The following PALLD variants were observed in gnomAD, a reference collection of about 807,000 sequenced individuals.
PALLD encodes palladin, cytoskeletal associated protein, also known as palladin.
PALLD carries 61 observed loss-of-function variants against 123.5 expected under a neutral mutation model. That is an observed-to-expected ratio of 0.49 (90% CI 0.40 to 0.61). The LOEUF is 0.61. Ranked by LOEUF, PALLD falls within the 20% of genes least tolerant of loss-of-function variation. The pLI, the probability that PALLD is intolerant of heterozygous loss-of-function variation, is 0.00. For missense variants in PALLD, 1,273 were observed against 1,377.0 expected (o/e 0.92, Z 1.20); for synonymous variants, 465 against 496.4 (o/e 0.94, Z 0.84).
chr4:168,617,093 G>A (rs1774300440), intron 2 of PALLD, among the ~76,000 whole-genome samples: 1 of 152,148 alleles, frequency 6.6e-6, no homozygotes, highest in Admixed American at 6.5e-5. Context: ...TGGCACTCAA[G>A]CATCCATTTT....
intron 2 of PALLD, among the ~76,000 whole-genome samples, chr4:168,540,806 GA>G (rs137855493): frequency 0.18 from 25,226 of 143,254 alleles, 2,441 homozygotes; most frequent in South Asian, 0.31. Context: ...CAGGTGGGAA[GA>G]AAAAAAAAAA....
intron 2 of PALLD, among the ~76,000 whole-genome samples, chr4:168,538,167 A>G (rs1448173142): frequency 1.3e-5 from 2 of 152,256 alleles, no homozygotes; most frequent in Non-Finnish European, 2.9e-5. Context: ...GATTTTAAAA[A>G]TAAGTAGAAG....
intron 2 of PALLD, among the ~76,000 whole-genome samples, chr4:168,540,823 A>G (rs926939093): frequency 6.6e-6 from 1 of 151,254 alleles, no homozygotes; most frequent in Non-Finnish European, 1.5e-5. Context: ...AAAAAAAAGC[A>G]CTTGCTCCTG....
At chr4:168,568,172 A>G (rs1426499838) in intron 2 of PALLD, among the ~76,000 whole-genome samples, 2 of 150,044 alleles carry the variant, frequency 1.3e-5, no homozygotes, top group African/African-American at 4.8e-5. Context: ...GTAACCAATA[A>G]ATATATAGCA....
chr4:168,887,654 C>T (rs1753555291), intron 10 of PALLD, among the ~76,000 whole-genome samples: 1 of 152,232 alleles, frequency 6.6e-6, no homozygotes, highest in Non-Finnish European at 1.5e-5. Context: ...CTTCAGTTTA[C>T]CTTTAAGATG....
intron 2 of PALLD, among the ~76,000 whole-genome samples, chr4:168,626,734 T>C (rs956025452): frequency 1.4e-5 from 2 of 138,166 alleles, no homozygotes; most frequent in Non-Finnish European, 3.2e-5. Flanking sequence ...AAAAAAAAAG[T>C]AAATGTGGTA....
chr4:168,710,029 G>GA (rs1784683974), intron 9 of PALLD, among the ~76,000 whole-genome samples: 1 of 152,048 alleles, frequency 6.6e-6, no homozygotes, highest in African/African-American at 2.4e-5. Context: ...ATCCACTGTT[G>GA]AAACTTCTGA....
Position 168,844,157 on chromosome 4 carries a change from TTTTG to T in PALLD, c.1965-46757_1965-46754del, listed in dbSNP as rs1277608410. On this transcript the variant is annotated intron_variant, in intron 10 of 21. Coordinates refer to ENST00000505667, the MANE Select transcript of PALLD (RefSeq NM_001166108.2). The surrounding 1 kb of genome is among the most constrained non-coding windows in gnomAD (Gnocchi z 4.5). Reference sequence around the variant, plus strand: ...AATCAAAGAGCTTTGACAGTTTGTTTTTTGTTTGTTTTTATTTGGGTGCAATTTT... The same window carrying T: ...AATCAAAGAGCTTTGACAGTTTGTTTTTTGTTTTTATTTGGGTGCAATTTT... The T allele has an allele frequency of 3.3e-5, 5 of 152,158 alleles. No homozygotes were observed. The highest frequency in any genetic ancestry group is 1.2e-4 in the African/African-American group (5 of 41,436). 9.4% of individuals were successfully genotyped at this position (152,158 alleles called of 1,614,324 possible). A position where few individuals can be genotyped will look rare whatever the true frequency, so the allele number is the denominator to read the frequency against.
chr4:168,535,302 A>C (rs1343307029), intron 2 of PALLD, among the ~76,000 whole-genome samples: 1 of 152,216 alleles, frequency 6.6e-6, no homozygotes, highest in African/African-American at 2.4e-5. Context: ...TTTTCACAAG[A>C]ATTAAGTGGC....
chr4:168,558,340 C>T (rs569747918), intron 2 of PALLD, among the ~76,000 whole-genome samples: 2 of 152,310 alleles, frequency 1.3e-5, no homozygotes, highest in Admixed American at 1.3e-4. Context: ...GACCCCAGTC[C>T]ATGGTACACT....
chr4:168,845,134 G>C (rs1040263857), intron 10 of PALLD, among the ~76,000 whole-genome samples: 5 of 152,190 alleles, frequency 3.3e-5, no homozygotes, highest in East Asian at 3.8e-4. Context: ...AGCAGAGGAG[G>C]TGAGGGAGGC....
rs928610026 is a variant in PALLD, at chr4:168,866,182, T to C, written c.1965-24740T>C. Among the ~76,000 whole-genome samples, 5 of 152,102 alleles carry C rather than the reference T, an allele frequency of 3.3e-5. No individual in the cohort carries two copies. The South Asian group carries it at 1.0e-3, about 32-fold the overall frequency. ...CATGAGGCTGAGGCAGAAGGATCAG[T>C]TGAGCCCAGGAGTTTGAGGCTGCAG... On this transcript the variant is annotated intron_variant, in intron 10 of 21. Coordinates refer to ENST00000505667, the MANE Select transcript of PALLD (RefSeq NM_001166108.2).
chr4:168,859,106 T>C (rs1420133398), intron 10 of PALLD, among the ~76,000 whole-genome samples: 1 of 152,238 alleles, frequency 6.6e-6, no homozygotes, highest in African/African-American at 2.4e-5. Context: ...TGTCAACGTG[T>C]TACAACATTT....
chr4:168,708,719 C>A (rs181344565), intron 8 of PALLD, among the ~76,000 whole-genome samples: 1 of 152,234 alleles, frequency 6.6e-6, no homozygotes, highest in East Asian at 1.9e-4. Context: ...CAGAGCTGCA[C>A]ACTTGCAGAC....
At chr4:168,521,777 T>TCAA (rs1763591488) in intron 2 of PALLD, among the ~76,000 whole-genome samples, 1 of 152,244 alleles carries the variant, frequency 6.6e-6, no homozygotes, top group Non-Finnish European at 1.5e-5. Flanking sequence ...TTTGACTATT[T>TCAA]GTTGAGTCCT....
At chr4:168,518,533 G>C (rs903888101) in intron 2 of PALLD, among the ~76,000 whole-genome samples, 4 of 152,138 alleles carry the variant, frequency 2.6e-5, no homozygotes, top group Non-Finnish European at 4.4e-5. Flanking sequence ...CACACCACCA[G>C]GCTTGTTCTT....
chr4:168,771,924 A>G (rs1318755953), intron 10 of PALLD, among the ~76,000 whole-genome samples: 1 of 152,180 alleles, frequency 6.6e-6, no homozygotes, highest in Non-Finnish European at 1.5e-5. Flanking sequence ...TATTTAGGAG[A>G]TAAGAGGGGT....
chr4:168,553,558 A>T (rs1028756077), intron 2 of PALLD, among the ~76,000 whole-genome samples: 1 of 152,228 alleles, frequency 6.6e-6, no homozygotes, highest in Non-Finnish European at 1.5e-5. Flanking sequence ...GTCTGCCTAC[A>T]AAGGAACCTG....
At chr4:168,805,020 T>G (rs1181304288) in intron 10 of PALLD, among the ~76,000 whole-genome samples, 3 of 151,848 alleles carry the variant, frequency 2.0e-5, no homozygotes, top group Non-Finnish European at 4.4e-5. Flanking sequence ...TTAGCTGGGC[T>G]TGGTGTCAGG....
Sources: allele counts gnomAD v4.1 joint callset (sites outside exome capture counted in the v4.1 genomes callset), GRCh38; gene constraint gnomAD v4.1.1; non-coding constraint Gnocchi (gnomAD v3.1); transcripts MANE v1.5; gene names NCBI Gene and HGNC (gene_info 2026-07-23, HGNC 2026-07-21).